The following GLT1D1 variants were observed in gnomAD, a reference collection of about 807,000 sequenced individuals.
GLT1D1 encodes the protein glycosyltransferase 1 domain-containing protein 1.
Under a neutral mutation model 28.7 loss-of-function variants are expected in GLT1D1, and 21 were observed. The observed-to-expected ratio is 0.73, with a 90% CI of 0.52 to 1.05. GLT1D1 has a LOEUF of 1.05. Among genes scored for constraint, GLT1D1 ranks in the 50% least tolerant of loss-of-function variants. The pLI, the probability that GLT1D1 is intolerant of heterozygous loss-of-function variation, is 0.00. For missense variants in GLT1D1, 343 were observed against 330.6 expected (o/e 1.04, Z -0.29); for synonymous variants, 147 against 124.8 (o/e 1.18, Z -1.19).
At chr12:128,921,525 A>G (rs1429852210) in intron 4 of GLT1D1, among the ~76,000 whole-genome samples, 1 of 151,674 alleles carries the variant, frequency 6.6e-6, no homozygotes, top group Non-Finnish European at 1.5e-5. Context: ...GTGTATTTAT[A>G]TATCTCGTGT....
chr12:128,868,573 C>A (rs1427627668), intron 1 of GLT1D1, among the ~76,000 whole-genome samples: 1 of 152,070 alleles, frequency 6.6e-6, no homozygotes, highest in East Asian at 1.9e-4. Flanking sequence ...TGAGAAATAC[C>A]ATTAGGGAGG....
At chr12:128,872,118 A>T (rs931008492) in intron 1 of GLT1D1, among the ~76,000 whole-genome samples, 3 of 151,732 alleles carry the variant, frequency 2.0e-5, no homozygotes, top group Non-Finnish European at 4.4e-5. Context: ...TGCCCAGCTA[A>T]TTTTTTTGTA....
In GLT1D1 at chr12:128,983,145, C is replaced by T; in HGVS notation, c.*55C>T. The T allele has an allele frequency of 2.0e-6, 3 of 1,521,594 alleles. No individual in the cohort carries two copies. The highest frequency in any genetic ancestry group is 1.8e-6 in the Non-Finnish European group (2 of 1,103,618). The allele number at this position is 1,521,594 out of a possible 1,614,324, so 94.3% of individuals were successfully genotyped here. A position where few individuals can be genotyped will look rare whatever the true frequency, so the allele number is the denominator to read the frequency against. On this transcript the variant is annotated 3_prime_UTR_variant, in exon 8 of 8. Transcript: ENST00000281703. This position sits in a 1 kb window ranked among gnomAD's most constrained non-coding sequence, Gnocchi z 4.7. The stretch of plus-strand genomic sequence containing the variant: ...TGACACACAGCTCTGGGTGCACACT[C>T]AGAGACAGAGTTCTGGATCACGTGG...
intron 4 of GLT1D1, chr12:128,944,216 A>G: frequency 2.2e-6 from 1 of 463,804 alleles, no homozygotes; most frequent in African/African-American, 2.0e-5. Context: ...TTCTAAATGC[A>G]AGGACTATGA....
At chr12:128,978,157 C>T (rs1879964227) in intron 7 of GLT1D1, among the ~76,000 whole-genome samples, 1 of 151,834 alleles carries the variant, frequency 6.6e-6, no homozygotes, top group Admixed American at 6.6e-5. Flanking sequence ...TGAGTGGACA[C>T]CCCCTCCTCC....
intron 4 of GLT1D1, among the ~76,000 whole-genome samples, chr12:128,902,997 T>A (rs1870456049): frequency 6.8e-6 from 1 of 147,100 alleles, no homozygotes; most frequent in African/African-American, 2.6e-5. Context: ...TGAACAGAGA[T>A]GGTGCCACTG....
intron 2 of GLT1D1, among the ~76,000 whole-genome samples, chr12:128,880,688 A>G (rs1957011400): frequency 6.6e-6 from 1 of 152,182 alleles, no homozygotes; most frequent in Non-Finnish European, 1.5e-5. Context: ...TTTCTTAGAC[A>G]GCCTTCTATT....
intron 7 of GLT1D1, among the ~76,000 whole-genome samples, chr12:128,959,606 T>TAA (rs1877733573): frequency 2.6e-5 from 4 of 152,128 alleles, no homozygotes; most frequent in African/African-American, 9.7e-5. Context: ...AGTTTCTCTG[T>TAA]TATTGTCTAC....
intron 1 of GLT1D1, among the ~76,000 whole-genome samples, chr12:128,869,654 G>A (rs1488452478): frequency 6.6e-6 from 1 of 152,074 alleles, no homozygotes; most frequent in Non-Finnish European, 1.5e-5. Flanking sequence ...TTCACACTGA[G>A]TGCCTTTCTA....
intron 4 of GLT1D1, among the ~76,000 whole-genome samples, chr12:128,902,905 A>C (rs1293812481): frequency 1.3e-5 from 2 of 151,038 alleles, no homozygotes; most frequent in African/African-American, 2.5e-5. Context: ...TTAGCCGGGC[A>C]TGGTGGTGTG....
chr12:128,923,580 T>G (rs1175590824), intron 4 of GLT1D1, among the ~76,000 whole-genome samples: 2 of 151,882 alleles, frequency 1.3e-5, no homozygotes, highest in Non-Finnish European at 2.9e-5. Context: ...GGGAGTGCAG[T>G]GCACCATCTC....
chr12:128,859,652 G>A (rs1279898306), intron 1 of GLT1D1, among the ~76,000 whole-genome samples: 28 of 152,282 alleles, frequency 1.8e-4, no homozygotes, highest in Non-Finnish European at 1.5e-5. Context: ...AGGGCCACGC[G>A]ACACCTTCAG....
chr12:128,967,489 A>T (rs1485773690), intron 7 of GLT1D1, among the ~76,000 whole-genome samples: 1 of 152,222 alleles, frequency 6.6e-6, no homozygotes, highest in Non-Finnish European at 1.5e-5. Flanking sequence ...GGAATAGCTG[A>T]GGGAGGGCAC....
intron 2 of GLT1D1, among the ~76,000 whole-genome samples, chr12:128,879,570 C>T (rs548629428): frequency 1.2e-3 from 180 of 151,862 alleles, no homozygotes; most frequent in African/African-American, 4.1e-3. Flanking sequence ...ATTCTTGTGC[C>T]TCAGCCTCCA....
At chr12:128,876,839 C>T (rs1956881340) in intron 2 of GLT1D1, among the ~76,000 whole-genome samples, 1 of 152,110 alleles carries the variant, frequency 6.6e-6, no homozygotes, top group Admixed American at 6.6e-5. Context: ...GATTAACATC[C>T]AACAAGGCAA....
At chr12:128,926,802 T>C (rs1239957776) in intron 4 of GLT1D1, among the ~76,000 whole-genome samples, 3 of 152,204 alleles carry the variant, frequency 2.0e-5, no homozygotes, top group Non-Finnish European at 4.4e-5. Context: ...AGGTAATCGA[T>C]ACAGTCTTGG....
chr12:128,915,212 G>A (rs1196455084), intron 4 of GLT1D1, among the ~76,000 whole-genome samples: 1 of 152,150 alleles, frequency 6.6e-6, no homozygotes, highest in Non-Finnish European at 1.5e-5. Context: ...GCTGTTTTTA[G>A]CACCTGCTTT....
intron 1 of GLT1D1, among the ~76,000 whole-genome samples, chr12:128,862,640 C>T (rs1417081689): frequency 6.6e-6 from 1 of 152,168 alleles, no homozygotes; most frequent in African/African-American, 2.4e-5. Context: ...GAATGAGACC[C>T]TGTATCACAC....
At chr12:128,952,350 CT>C (rs1398893639) in intron 6 of GLT1D1, among the ~76,000 whole-genome samples, 1 of 141,996 alleles carries the variant, frequency 7.0e-6, no homozygotes, top group African/African-American at 2.6e-5. Context: ...GTCCTCACCC[CT>C]GGCGTCTCAG....
Sources: gnomAD v4.1 joint callset for allele counts (sites outside exome capture counted in the v4.1 genomes callset) on GRCh38, gnomAD v4.1.1 for gene constraint, Gnocchi (gnomAD v3.1) non-coding constraint, MANE v1.5 for transcripts, NCBI Gene and HGNC (gene_info 2026-07-23, HGNC 2026-07-21) for gene names.